The following CAMSAP1 variants were observed in gnomAD, a reference collection of about 807,000 sequenced individuals.
CAMSAP1 encodes calmodulin regulated spectrin associated protein 1.
Under a neutral mutation model 143.5 loss-of-function variants are expected in CAMSAP1, and 58 were observed. The observed-to-expected ratio is 0.40, with a 90% CI of 0.33 to 0.50. The LOEUF (loss-of-function observed/expected upper bound fraction) is 0.50. Among genes scored for constraint, CAMSAP1 ranks in the 20% least tolerant of loss-of-function variants. CAMSAP1 has a pLI of 0.45. For missense variants in CAMSAP1, 1,969 were observed against 2,115.7 expected (o/e 0.93, Z 1.36); for synonymous variants, 945 against 859.3 (o/e 1.10, Z -1.74).
At chr9:135,876,663 T>C (rs1254617134) in intron 3 of CAMSAP1, among the ~76,000 whole-genome samples, 1 of 152,204 alleles carries the variant, frequency 6.6e-6, no homozygotes, top group Non-Finnish European at 1.5e-5. Context: ...TATTAAGTTA[T>C]ATATACTTAT....
chr9:135,819,190 G>C, intron 11 of CAMSAP1, 44 bp from the exon 12 acceptor site: 1 of 1,569,764 alleles, frequency 6.4e-7, no homozygotes, highest in Non-Finnish European at 8.6e-7. Flanking sequence ...AACCCCCTCA[G>C]ACGCCGGACA....
intron 1 of CAMSAP1, among the ~76,000 whole-genome samples, chr9:135,887,791 G>T (rs1032448505): frequency 6.6e-6 from 1 of 151,456 alleles, no homozygotes; most frequent in Admixed American, 6.6e-5. Context: ...ACAAGGACAC[G>T]GGCAGGGCAG....
At position 135,867,488 on chromosome 9, in the gene CAMSAP1, T is replaced by A. The variant is rs557978129; in HGVS notation, c.586-952A>T. On this transcript the variant is annotated intron_variant, in intron 3 of 16. Transcript: ENST00000389532. ...AGCAAGACCCCCCTCTTTTTTTTTT[T>A]TAAAAAAAAAGTCTGTAAAGCTAAT... 3.1e-3 allele frequency among the ~76,000 whole-genome samples: 443 copies of A among 142,364 alleles called. 7 individuals are homozygous for A. The highest frequency in any genetic ancestry group is 0.011 in the African/African-American group (403 of 37,474). 93.4% of individuals were successfully genotyped at this position (142,364 alleles called of 152,430 possible).
At chr9:135,906,586 C>G (rs1485507822) in intron 1 of CAMSAP1, among the ~76,000 whole-genome samples, 1 of 152,246 alleles carries the variant, frequency 6.6e-6, no homozygotes, top group Non-Finnish European at 1.5e-5. Flanking sequence ...ATAACAAGTG[C>G]AAGGCTCGGA....
intron 3 of CAMSAP1, among the ~76,000 whole-genome samples, chr9:135,881,301 T>A (rs1384915079): frequency 6.6e-6 from 1 of 150,970 alleles, no homozygotes; most frequent in African/African-American, 2.4e-5. Flanking sequence ...AAGGCTGCAG[T>A]AAGCCATGAT....
At chr9:135,870,639 A>T (rs927037276) in intron 3 of CAMSAP1, among the ~76,000 whole-genome samples, 4 of 152,046 alleles carry the variant, frequency 2.6e-5, no homozygotes, top group East Asian at 1.9e-4. Context: ...TACAAAAAAT[A>T]AAAAAATTAC....
At chr9:135,899,994 C>G (rs1462388832) in intron 1 of CAMSAP1, among the ~76,000 whole-genome samples, 1 of 152,170 alleles carries the variant, frequency 6.6e-6, no homozygotes, top group Non-Finnish European at 1.5e-5. Context: ...AAGGGCCCCA[C>G]AGTTCACAAT....
rs1296881423 is a variant in CAMSAP1 at position 135,809,009 on chromosome 9, C to G, written c.*2300G>C. The G allele has an allele frequency of 6.6e-6, 1 of 152,130 alleles. No homozygotes were observed. The highest frequency in any genetic ancestry group is 1.5e-5 in the Non-Finnish European group (1 of 68,026). 9.4% of individuals were successfully genotyped at this position (152,130 alleles called of 1,614,324 possible). ...GCTTTCCGCTGAAAGAAATTTGCAA[C>G]GAGACACAAATACCACTGCAGGGGC... On this transcript the variant is annotated 3_prime_UTR_variant, in exon 17 of 17. Coordinates refer to ENST00000389532, the MANE Select transcript of CAMSAP1 (RefSeq NM_015447.4).
chr9:135,818,194 TC>T lies in CAMSAP1; in HGVS notation c.4169-116del. ...GCAGAGCTCGGCCACACAGGCCGCG[TC>T]CCCACCCCATCCCGGGGAGCCGGGC... On this transcript the variant is annotated intron_variant, in intron 13 of 16. Transcript: ENST00000389532. The surrounding 1 kb of genome is among the most constrained non-coding windows in gnomAD (Gnocchi z 7.7). 1 of 1,212,528 alleles carries T rather than the reference TC, an allele frequency of 8.2e-7. No individual in the cohort carries two copies. The highest frequency in any genetic ancestry group is 1.2e-6 in the Non-Finnish European group (1 of 862,414). The allele number at this position is 1,212,528 out of a possible 1,614,324, so 75.1% of individuals were successfully genotyped here.
At chr9:135,901,773 C>A (rs541815434) in intron 1 of CAMSAP1, among the ~76,000 whole-genome samples, 1 of 152,144 alleles carries the variant, frequency 6.6e-6, no homozygotes, top group South Asian at 2.1e-4. Context: ...TACTTAAAAA[C>A]CCTCCCAGGC....
chr9:135,823,805 G>A (rs1835574139), intron 10 of CAMSAP1, 145 bp downstream of exon 10: 1 of 662,322 alleles, frequency 1.5e-6, no homozygotes, highest in Middle Eastern at 2.6e-4. Flanking sequence ...TAACTTCCTA[G>A]TGTTGTTATA....
intron 7 of CAMSAP1, among the ~76,000 whole-genome samples, chr9:135,832,919 C>T (rs1021350322): frequency 2.0e-5 from 3 of 152,086 alleles, no homozygotes; most frequent in South Asian, 2.1e-4. Flanking sequence ...CCCATATTCA[C>T]GGATTGACAT....
At chr9:135,863,622 G>C (rs185061238) in intron 4 of CAMSAP1, among the ~76,000 whole-genome samples, 5 of 152,288 alleles carry the variant, frequency 3.3e-5, no homozygotes, top group Admixed American at 3.3e-4. Flanking sequence ...ACATCATGTA[G>C]AATAATCAAT....
In CAMSAP1 at chr9:135,820,979, T is replaced by C. The variant is rs1328056406; in HGVS notation, c.3682A>G (p.Arg1228Gly). The C allele has an allele frequency of 2.5e-6, 4 of 1,612,944 alleles. No individual in the cohort carries two copies. The Admixed American group carries it at 6.7e-5, about 27-fold the overall frequency. Residue 1228 changes from arginine to glycine, a missense_variant, in exon 11 of 17, where the codon AGG (arginine) becomes GGG (glycine). Arg to Gly is a moderately radical substitution (Grantham distance 125). This residue lies in a region of CAMSAP1 where 1,390 missense variants were observed against 1,420.8 expected (regional missense o/e 0.98). Coordinates refer to ENST00000389532, the MANE Select transcript of CAMSAP1 (RefSeq NM_015447.4). The surrounding 1 kb of genome is among the most constrained non-coding windows in gnomAD (Gnocchi z 4.4). Reference protein sequence around the residue: ...KESVPVEEPLRSRASLIEVDL... With the variant: ...KESVPVEEPLGSRASLIEVDL... ...ACTTCAATGAGGCTGGCCCTGCTCC[T>C]CAGAGGCTCCTCCACGGGGACGCTC...
chr9:135,870,339 G>A (rs748938875), intron 3 of CAMSAP1, among the ~76,000 whole-genome samples: 2 of 152,104 alleles, frequency 1.3e-5, no homozygotes, highest in Non-Finnish European at 2.9e-5. Flanking sequence ...TGTAAGACGT[G>A]CCTCTTCCCC....
chr9:135,822,393 G>A lies in CAMSAP1; in HGVS notation c.2268C>T (p.Ala756=), dbSNP rs761525439. 1.9e-5 allele frequency: 30 copies of A among 1,613,930 alleles called. No individual in the cohort carries two copies. Among genetic ancestry groups the A allele is most frequent in the Non-Finnish European group, 2.4e-5 (28 of 1,179,894 alleles). Reference sequence around the variant, plus strand: ...TGTATCTGCTGAAAACCACAGGATGGGCCTCACCCATGAAATCGTGCTCGG... The same window carrying A: ...TGTATCTGCTGAAAACCACAGGATGAGCCTCACCCATGAAATCGTGCTCGG... ...EEAEHDFMGE[A]HPVVFSRYIG... Residue 756 remains alanine, a synonymous_variant, in exon 11 of 17, where the codon GCC becomes GCT. Transcript: ENST00000389532. The surrounding 1 kb of genome is among the most constrained non-coding windows in gnomAD (Gnocchi z 6.1).
At chr9:135,878,043 C>A (rs1381242520) in intron 3 of CAMSAP1, among the ~76,000 whole-genome samples, 2 of 152,184 alleles carry the variant, frequency 1.3e-5, no homozygotes, top group East Asian at 3.9e-4. Flanking sequence ...CTGGGGAAAG[C>A]GCTTCCATCT....
Position 135,850,361 on chromosome 9 carries a change from G to C in CAMSAP1, c.909C>G (p.Leu303=). Residue 303 remains leucine (L), a synonymous_variant, in exon 6 of 17, where the codon CTC becomes CTG. Coordinates refer to ENST00000389532, the MANE Select transcript of CAMSAP1 (RefSeq NM_015447.4). ...GCGCATACAGCATATCTTCCAAGGT[G>C]AGATAAAAACATTTATTAAGATATT... ...SNEYLNKCFY[L]TLEDMLYAPL... 1 of 1,610,856 alleles carries C rather than the reference G, an allele frequency of 6.2e-7. No individual in the cohort carries two copies. The highest frequency in any genetic ancestry group is 8.5e-7 in the Non-Finnish European group (1 of 1,178,994).
chr9:135,823,838 C>T, intron 10 of CAMSAP1, 112 bp downstream of exon 10: 1 of 759,428 alleles, frequency 1.3e-6, no homozygotes, highest in Non-Finnish European at 2.2e-6. Context: ...ATTTCAGGCA[C>T]TCCCTATAAA....
Sources: allele counts gnomAD v4.1 joint callset (sites outside exome capture counted in the v4.1 genomes callset), GRCh38; gene constraint gnomAD v4.1.1; regional missense constraint gnomAD v4.1.1; non-coding constraint Gnocchi (gnomAD v3.1); transcripts MANE v1.5; gene names NCBI Gene and HGNC (gene_info 2026-07-23, HGNC 2026-07-21).